A2M: variants seen among roughly 807,000 people sequenced by gnomAD.
The protein encoded by A2M is C3 and PZP-like alpha-2-macroglobulin domain-containing protein 5.
In A2M, 128 loss-of-function variants were observed where a neutral mutation model predicts 183.9. The observed-to-expected ratio is 0.70, with a 90% CI of 0.60 to 0.81. The LOEUF is 0.81. Among genes scored for constraint, A2M ranks in the 30% least tolerant of loss-of-function variants. The pLI, the probability that A2M is intolerant of heterozygous loss-of-function variation, is 0.00. For synonymous variants in A2M, 592 were observed against 670.8 expected, an observed-to-expected ratio of 0.88 and a Z score of 1.81; for missense variants, 1,495 against 1,787.6, an observed-to-expected ratio of 0.84 and a Z score of 2.95.
At chr12:9,089,053 T>C in intron 22 of A2M, 147 bp downstream of exon 22, 2 of 668,472 alleles carry the variant, frequency 3.0e-6, no homozygotes, top group African/African-American at 1.8e-5. Context: ...TTGGCCTTCC[T>C]AAGAACTATT....
intron 4 of A2M, chr12:9,111,898 A>C (rs1409535365): frequency 1.8e-6 from 1 of 553,466 alleles, no homozygotes; most frequent in African/African-American, 1.8e-5. Flanking sequence ...GTATCTTTCT[A>C]ATTGTCCTAA....
intron 28 of A2M, among the ~76,000 whole-genome samples, chr12:9,075,215 A>T (rs769369062): frequency 3.9e-5 from 6 of 152,220 alleles, no homozygotes; most frequent in Non-Finnish European, 8.8e-5. Context: ...GAAAAAAAAA[A>T]TACAGTAATC....
chr12:9,087,806 C>T (rs772576863), intron 22 of A2M, among the ~76,000 whole-genome samples: 65 of 152,000 alleles, frequency 4.3e-4, no homozygotes, highest in Non-Finnish European at 9.0e-4. Context: ...CAACAACAAC[C>T]AACCAAACAA....
intron 29 of A2M, among the ~76,000 whole-genome samples, chr12:9,073,732 G>A (rs2137657582): frequency 6.6e-6 from 1 of 152,226 alleles, no homozygotes; most frequent in South Asian, 2.1e-4. Flanking sequence ...GCTAGATTTA[G>A]GAGGTTGGAT....
chr12:9,069,261 A>G (rs1388709325), intron 33 of A2M, among the ~76,000 whole-genome samples: 1 of 152,214 alleles, frequency 6.6e-6, no homozygotes, highest in Admixed American at 6.5e-5. Context: ...TATAATTCCC[A>G]TCAACTTATG....
chr12:9,101,601 G>C lies in A2M; in HGVS notation c.1340C>G (p.Thr447Ser), dbSNP rs1463223432. ...VSEEHEEAHH[T>S]AYLVFSPSKS... is the part of the protein sequence containing the mutation. ...GCTTGGGGAGAACACAAGATAAGCAGTGTGATGTGCCTCTTCGTGTTCTTC... is the reference window on the plus strand; with the variant it reads ...GCTTGGGGAGAACACAAGATAAGCACTGTGATGTGCCTCTTCGTGTTCTTC... The change falls in exon 12 of 36, where the codon ACT (threonine) becomes AGT (serine). Residue 447 changes from threonine (T) to serine (S), a missense_variant. Thr to Ser is a moderately conservative substitution (Grantham distance 58). Transcript: ENST00000318602. The C allele has an allele frequency of 1.9e-6, 3 of 1,613,906 alleles. No individual in the cohort carries two copies. The highest frequency in any genetic ancestry group is 2.7e-5 in the African/African-American group (2 of 74,936).
chr12:9,068,811 G>T lies in A2M; in HGVS notation c.4295C>A (p.Thr1432Lys). ...VSNQTLSLFF[T>K]VLQDVPVRDL... Reference sequence around the variant, plus strand: ...TCTTACTGGGACATCTTGCAGAACCGTGAAGAACAAGCTCAGTGTCTGATT... The same window carrying T: ...TCTTACTGGGACATCTTGCAGAACCTTGAAGAACAAGCTCAGTGTCTGATT... Residue 1432 changes from threonine (T) to lysine (K), a missense_variant, in exon 34 of 36, where the codon ACG (threonine) becomes AAG (lysine). Transcript: ENST00000318602. 1 of 1,606,918 alleles carries T rather than the reference G, an allele frequency of 6.2e-7. No homozygotes were observed. Among genetic ancestry groups the T allele is most frequent in the East Asian group, 2.2e-5 (1 of 44,786 alleles).
At position 9,072,633 on chromosome 12, in the gene A2M, C is replaced by T. The variant is rs1189848986; in HGVS notation, c.3975+20G>A. 3.1e-6 allele frequency: 5 copies of T among 1,612,836 alleles called. No homozygotes were observed. Among genetic ancestry groups the T allele is most frequent in the Non-Finnish European group, 3.4e-6 (4 of 1,178,930 alleles). On this transcript the variant is annotated intron_variant, in intron 30 of 35. Transcript: ENST00000318602. ...CTGCTGTCCTCATCTGTCCTGTCCT[C>T]ACCTGCCCAAGAGTCTCACCTGGAG...
chr12:9,084,649 A>C (rs1949002637), intron 22 of A2M, among the ~76,000 whole-genome samples: 1 of 152,182 alleles, frequency 6.6e-6, no homozygotes, highest in East Asian at 1.9e-4. Flanking sequence ...AGAAAACAAC[A>C]AAATGGTAGT....
chr12:9,078,999 A>C (rs1388324805), intron 25 of A2M, among the ~76,000 whole-genome samples: 1 of 152,144 alleles, frequency 6.6e-6, no homozygotes, highest in Non-Finnish European at 1.5e-5. Flanking sequence ...AAGAATAGCC[A>C]TTTCAGAAAG....
intron 31 of A2M, 60 bp from the exon 32 acceptor site, chr12:9,070,638 C>T (rs1195794980): frequency 8.3e-7 from 1 of 1,199,618 alleles, no homozygotes; most frequent in African/African-American, 1.5e-5. Context: ...TTTTCTTCTT[C>T]TATGTCCATG....
At position 9,095,526 on chromosome 12, in the gene A2M, A is replaced by G; in HGVS notation, c.2013+13T>C. The stretch of plus-strand genomic sequence containing the variant: ...AGCTTAAGATCAGACCATCTGCAAC[A>G]TAAGGAGTTTACCTCTAGGAAGCTG... On this transcript the variant is annotated intron_variant, in intron 16 of 35. Transcript: ENST00000318602. 2 of 1,606,648 alleles carry G rather than the reference A, an allele frequency of 1.2e-6. No individual in the cohort carries two copies. Among genetic ancestry groups the G allele is most frequent in the Non-Finnish European group, 1.7e-6 (2 of 1,174,648 alleles).
At chr12:9,108,455 G>A (rs1938478533) in intron 7 of A2M, among the ~76,000 whole-genome samples, 1 of 152,158 alleles carries the variant, frequency 6.6e-6, no homozygotes, top group Admixed American at 6.5e-5. Context: ...GTGGGATTGT[G>A]TCGTAAATAT....
chr12:9,074,354 T>C (rs889613331), intron 29 of A2M, among the ~76,000 whole-genome samples: 5 of 152,178 alleles, frequency 3.3e-5, no homozygotes, highest in Admixed American at 2.6e-4. Context: ...AACACAGCGA[T>C]GGGGTGCCGG....
At chr12:9,069,161 T>A in intron 33 of A2M, 1 of 193,432 alleles carries the variant, frequency 5.2e-6, no homozygotes, top group East Asian at 1.3e-4. Context: ...ATAGTTTGAC[T>A]TCTCTGTCTT....
chr12:9,110,400 C>A, intron 4 of A2M, 66 bp from the exon 5 acceptor site: 1 of 1,043,456 alleles, frequency 9.6e-7, no homozygotes, highest in Non-Finnish European at 1.4e-6. Flanking sequence ...CATTTATAAG[C>A]AAAGCAGCTA....
At chr12:9,098,570 C>A in intron 15 of A2M, 37 bp downstream of exon 15, 1 of 1,565,944 alleles carries the variant, frequency 6.4e-7, no homozygotes, top group African/African-American at 1.4e-5. Flanking sequence ...GCCCCTGGCA[C>A]GGCCCTTCTT....
At position 9,101,168 on chromosome 12, in the gene A2M, C is replaced by A. The variant is rs771888991; in HGVS notation, c.1534G>T (p.Gly512Ter). 2 of 1,561,396 alleles carry A rather than the reference C, an allele frequency of 1.3e-6. No individual in the cohort carries two copies. Among genetic ancestry groups the A allele is most frequent in the African/African-American group, 1.4e-5 (1 of 73,530 alleles). ...CTGTCTTCCTGCTTCACAAGCAGTC[C>A]ATGAGTCCCAGTTCGGACAATGCCT... Reference protein sequence around the residue: ...KGGIVRTGTHGLLVKQEDMKG... With the variant: ...KGGIVRTGTH Residue 512 changes from glycine (G) to a stop codon, truncating the protein, a stop_gained, in exon 13 of 36, where the codon GGA (glycine) becomes TGA (stop). Transcript: ENST00000318602. LOFTEE classifies it high-confidence loss of function.
At position 9,095,650 on chromosome 12, in the gene A2M, C is replaced by A. The variant is rs1184014496; in HGVS notation, c.1902G>T (p.Leu634Phe). The A allele has an allele frequency of 6.2e-7, 1 of 1,608,944 alleles. No homozygotes were observed. The highest frequency in any genetic ancestry group is 1.7e-5 in the Admixed American group (1 of 59,816). ...TGCAGTCTTCATTGTCCTGGTCATT[C>A]AAAGGCCCAGGGAAGCCAGTGAGGT... ...EKDLTGFPGP[L>F]NDQDNEDCIN... The change falls in exon 16 of 36, where the codon TTG becomes TTT. Residue 634 changes from leucine (L) to phenylalanine (F), a missense_variant. By Grantham distance (22) the Leu-to-Phe change is conservative. Coordinates refer to ENST00000318602, the MANE Select transcript of A2M (RefSeq NM_000014.6).
Sources: allele counts gnomAD v4.1 joint callset (sites outside exome capture counted in the v4.1 genomes callset), GRCh38; gene constraint gnomAD v4.1.1; transcripts MANE v1.5; gene names NCBI Gene and HGNC (gene_info 2026-07-23, HGNC 2026-07-21).